Variants in MAST4 observed in about 807,000 individuals in gnomAD.
MAST4 encodes the protein microtubule-associated serine/threonine-protein kinase 4.
A neutral mutation model predicts 162.7 loss-of-function variants in MAST4; 89 were observed. That is an observed-to-expected ratio of 0.55 (90% CI 0.46 to 0.65). MAST4 has a LOEUF of 0.65. Ranked by LOEUF, MAST4 falls within the 30% of genes least tolerant of loss-of-function variation. The pLI is 0.00. For missense variants in MAST4, 3,153 were observed against 3,374.0 expected, an observed-to-expected ratio of 0.93 and a Z score of 1.62; for synonymous variants, 1,479 against 1,361.1, an observed-to-expected ratio of 1.09 and a Z score of -1.91.
At chr5:66,906,861 G>A (rs191778404) in intron 4 of MAST4, among the ~76,000 whole-genome samples, 1 of 152,262 alleles carries the variant, frequency 6.6e-6, no homozygotes, top group African/African-American at 2.4e-5. Flanking sequence ...AGTAAAGGGT[G>A]TCCAGAGATG....
At chr5:67,061,880 A>G (rs1246581523) in intron 5 of MAST4, among the ~76,000 whole-genome samples, 1 of 152,158 alleles carries the variant, frequency 6.6e-6, no homozygotes, top group Non-Finnish European at 1.5e-5. Context: ...CTACAAAGGA[A>G]GGAAGTCTGT....
chr5:67,153,954 T>C (rs1321705935), intron 26 of MAST4, among the ~76,000 whole-genome samples: 1 of 152,204 alleles, frequency 6.6e-6, no homozygotes, highest in African/African-American at 2.4e-5. Context: ...TGTATTAAAC[T>C]GTGAGGTTTG....
chr5:66,992,220 A>C (rs1285143923), intron 4 of MAST4, among the ~76,000 whole-genome samples: 1 of 152,202 alleles, frequency 6.6e-6, no homozygotes, highest in East Asian at 1.9e-4. Context: ...GCTGCTATAT[A>C]ATCTTCATAA....
chr5:66,966,682 C>G (rs535279518), intron 4 of MAST4, among the ~76,000 whole-genome samples: 1 of 152,160 alleles, frequency 6.6e-6, no homozygotes, highest in Non-Finnish European at 1.5e-5. Context: ...CTGACTGTAT[C>G]TAACAATAGG....
intron 1 of MAST4, among the ~76,000 whole-genome samples, chr5:66,649,008 A>G (rs965133733): frequency 6.6e-6 from 1 of 152,140 alleles, no homozygotes. Context: ...CAGAAGTATA[A>G]GTAATAGGTG....
At chr5:66,695,029 C>T (rs999102009) in intron 1 of MAST4, among the ~76,000 whole-genome samples, 3 of 152,084 alleles carry the variant, frequency 2.0e-5, no homozygotes, top group African/African-American at 7.2e-5. Flanking sequence ...TTAATTAGGT[C>T]CCTTTTTTCC....
chr5:67,004,823 T>C (rs1449282469), intron 4 of MAST4: 2 of 591,584 alleles, frequency 3.4e-6, no homozygotes, highest in Non-Finnish European at 6.1e-6. Flanking sequence ...TTCTCAGACA[T>C]GCTCCAAGTT....
chr5:66,934,823 A>G (rs1438649220), intron 4 of MAST4, among the ~76,000 whole-genome samples: 1 of 152,184 alleles, frequency 6.6e-6, no homozygotes, highest in Non-Finnish European at 1.5e-5. Context: ...ATGTTGTCAA[A>G]CCATGAGCTC....
At chr5:66,766,833 T>C (rs1754118053) in intron 2 of MAST4, among the ~76,000 whole-genome samples, 1 of 152,204 alleles carries the variant, frequency 6.6e-6, no homozygotes, top group Non-Finnish European at 1.5e-5. Flanking sequence ...AAATGGTGTG[T>C]GTTAAGATAA....
chr5:67,049,391 G>A (rs1271860737), intron 4 of MAST4, among the ~76,000 whole-genome samples: 11 of 152,016 alleles, frequency 7.2e-5, no homozygotes, highest in Admixed American at 2.0e-4. Flanking sequence ...AAGCTGCTTA[G>A]TTCATAACAT....
intron 5 of MAST4, among the ~76,000 whole-genome samples, chr5:67,089,009 A>G (rs1007455619): frequency 2.0e-5 from 3 of 152,234 alleles, no homozygotes; most frequent in African/African-American, 7.2e-5. Context: ...CTTTACAGCC[A>G]TGTACTGACT....
intron 5 of MAST4, among the ~76,000 whole-genome samples, chr5:67,081,218 G>A (rs1413236233): frequency 1.3e-5 from 2 of 150,636 alleles, no homozygotes; most frequent in Non-Finnish European, 3.0e-5. Flanking sequence ...GGAAAACTGT[G>A]CATATAATTG....
chr5:67,055,487 G>A (rs939491688), intron 5 of MAST4, among the ~76,000 whole-genome samples: 1 of 152,172 alleles, frequency 6.6e-6, no homozygotes. Context: ...AGCTCAGGGA[G>A]CCTTTCAAGT....
chr5:67,038,546 TTGA>T (rs1756323546), intron 4 of MAST4, among the ~76,000 whole-genome samples: 1 of 152,180 alleles, frequency 6.6e-6, no homozygotes, highest in Admixed American at 6.5e-5. Context: ...GAAAACCAAA[TTGA>T]TGATGGTGTT....
chr5:66,834,307 A>C (rs571024121), intron 3 of MAST4, among the ~76,000 whole-genome samples: 2 of 152,118 alleles, frequency 1.3e-5, no homozygotes, highest in East Asian at 3.9e-4. Flanking sequence ...CAGTTATAGA[A>C]CCCGGAGACG....
At chr5:66,890,179 CTG>C (rs1411812548) in intron 3 of MAST4, among the ~76,000 whole-genome samples, 1 of 152,084 alleles carries the variant, frequency 6.6e-6, no homozygotes, top group African/African-American at 2.4e-5. Context: ...TACAATATGA[CTG>C]TGGGCTGGAA....
intron 2 of MAST4, among the ~76,000 whole-genome samples, chr5:66,781,171 A>G (rs973266615): frequency 2.0e-5 from 3 of 152,160 alleles, no homozygotes; most frequent in African/African-American, 4.8e-5. Flanking sequence ...ACAAATATCT[A>G]TTTGAGCCCC....
chr5:67,059,147 C>T (rs80222306), intron 5 of MAST4, among the ~76,000 whole-genome samples: 17,931 of 152,150 alleles, frequency 0.12, 1,237 homozygotes, highest in Non-Finnish European at 0.15. Context: ...CCCGCTTCAC[C>T]CTGGCTATCA....
chr5:66,604,179 C>G (rs1450821708), intron 1 of MAST4, among the ~76,000 whole-genome samples: 1 of 152,154 alleles, frequency 6.6e-6, no homozygotes, highest in Non-Finnish European at 1.5e-5. Context: ...GTTTATGGAA[C>G]TTGTGTGAAA....
Sources: allele counts gnomAD v4.1 joint callset (sites outside exome capture counted in the v4.1 genomes callset), GRCh38; gene constraint gnomAD v4.1.1; transcripts MANE v1.5; gene names NCBI Gene and HGNC (gene_info 2026-07-23, HGNC 2026-07-21).